GPD2: variants seen among roughly 807,000 people sequenced by gnomAD.
The protein encoded by GPD2 is glycerol-3-phosphate dehydrogenase 2, also known as glycerol-3-phosphate dehydrogenase, mitochondrial.
GPD2 carries 54 observed loss-of-function variants against 82.4 expected under a neutral mutation model. The observed-to-expected ratio is 0.66, with a 90% CI of 0.53 to 0.82. The LOEUF (loss-of-function observed/expected upper bound fraction) is 0.82, where lower values mean the gene tolerates loss of function less well. Among genes scored for constraint, GPD2 ranks in the 40% least tolerant of loss-of-function variants. The pLI is 0.00. For missense variants in GPD2, 748 were observed against 896.2 expected (o/e 0.83, Z 2.11); for synonymous variants, 288 against 306.1 (o/e 0.94, Z 0.62).
At chr2:156,564,094 C>T (rs775156995) in intron 9 of GPD2, among the ~76,000 whole-genome samples, 1 of 152,008 alleles carries the variant, frequency 6.6e-6, no homozygotes, top group Non-Finnish European at 1.5e-5. Context: ...TTAATAGAAT[C>T]GTTGAATTTG....
chr2:156,436,556 C>G (rs532930749), intron 1 of GPD2, 43 bp downstream of exon 1: 4 of 152,392 alleles, frequency 2.6e-5, no homozygotes, highest in African/African-American at 9.6e-5. Flanking sequence ...CTCTAGTATT[C>G]TAGGGGGGGA....
chr2:156,534,810 TA>T lies in GPD2; in HGVS notation c.662-14785del, dbSNP rs758423390. On this transcript the variant is annotated intron_variant, in intron 6 of 16. Coordinates refer to ENST00000438166, the MANE Select transcript of GPD2 (RefSeq NM_000408.5). Reference sequence around the variant, plus strand: ...CAGAATAACATGAATTGCTTTTTCTTAAAAAAAAAAAAACTCTAACAGAGGA... The same window carrying T: ...CAGAATAACATGAATTGCTTTTTCTTAAAAAAAAAAAACTCTAACAGAGGA... Among the ~76,000 whole-genome samples the T allele has an allele frequency of 1.3e-3, 181 of 143,276 alleles. 1 individual carries two copies. The highest frequency in any genetic ancestry group is 4.9e-3 in the South Asian group (22 of 4,468). The allele number at this position is 143,276 out of a possible 152,430, so 94.0% of individuals were successfully genotyped here.
At chr2:156,404,835 C>G in the GPD2 span, among the ~76,000 whole-genome samples, 1 of 147,576 alleles carries the variant, frequency 6.8e-6, no homozygotes, top group Admixed American at 6.8e-5. Context: ...GCCTAGGGAA[C>G]AGAGTGAGAC....
chr2:156,533,063 CA>C (rs1231312978), intron 6 of GPD2, among the ~76,000 whole-genome samples: 2 of 152,184 alleles, frequency 1.3e-5, no homozygotes, highest in African/African-American at 4.8e-5. Context: ...TCACCCTTCA[CA>C]AGACGGGAAG....
chr2:156,486,928 T>C (rs1420308618), intron 2 of GPD2, among the ~76,000 whole-genome samples: 1 of 152,210 alleles, frequency 6.6e-6, no homozygotes, highest in East Asian at 1.9e-4. Flanking sequence ...TTGGGCATCA[T>C]TTTATTCACC....
At chr2:156,492,147 CTTTTT>C (rs770947790) in intron 2 of GPD2, among the ~76,000 whole-genome samples, 3 of 75,466 alleles carry the variant, frequency 4.0e-5, no homozygotes, top group African/African-American at 5.4e-5. Context: ...CCCTCCCTAC[CTTTTT>C]TTTTTTTTTT....
chr2:156,545,683 G>T (rs1037338524), intron 6 of GPD2, among the ~76,000 whole-genome samples: 1 of 152,146 alleles, frequency 6.6e-6, no homozygotes, highest in Non-Finnish European at 1.5e-5. Context: ...ATAAATAAGA[G>T]TTTTAGACCT....
At chr2:156,432,975 G>A (rs1558895049), upstream of GPD2, among the ~76,000 whole-genome samples, 1 of 151,962 alleles carries the variant, frequency 6.6e-6, no homozygotes, top group Admixed American at 6.5e-5. Flanking sequence ...GGTTGTTCTG[G>A]GCCCCAAATT....
intron 6 of GPD2, among the ~76,000 whole-genome samples, chr2:156,528,394 T>C (rs1301443665): frequency 6.6e-6 from 1 of 151,678 alleles, no homozygotes; most frequent in Non-Finnish European, 1.5e-5. Context: ...CTCCACTCAA[T>C]TATGTCAATT....
chr2:156,529,915 G>A (rs542007172), intron 6 of GPD2, among the ~76,000 whole-genome samples: 404 of 152,082 alleles, frequency 2.7e-3, no homozygotes, highest in African/African-American at 9.1e-3. Flanking sequence ...TTGCCTTGGC[G>A]ATGTGGGCTC....
At chr2:156,521,157 G>T (rs961155476) in intron 6 of GPD2, among the ~76,000 whole-genome samples, 2 of 152,196 alleles carry the variant, frequency 1.3e-5, no homozygotes, top group Non-Finnish European at 2.9e-5. Context: ...TATATGGTCT[G>T]TTCACATAAT....
At chr2:156,575,762 A>G (rs899281122) in intron 13 of GPD2, among the ~76,000 whole-genome samples, 1 of 151,282 alleles carries the variant, frequency 6.6e-6, no homozygotes, top group South Asian at 2.1e-4. Context: ...TTTTGATTCT[A>G]TAAAGCATTT....
chr2:156,477,473 A>G lies in GPD2; in HGVS notation c.102+1266A>G, dbSNP rs1260320303. ...GCATAAATAAAATCACATATTAGGA[A>G]GAATTAGTATGCTGGCCTATCATTA... On this transcript the variant is annotated intron_variant, in intron 2 of 16. Coordinates refer to ENST00000438166, the MANE Select transcript of GPD2 (RefSeq NM_000408.5). Among the ~76,000 whole-genome samples the G allele has an allele frequency of 2.0e-5, 3 of 152,170 alleles. No individual in the cohort carries two copies. In the East Asian group the frequency reaches 5.8e-4, roughly 29 times the overall value.
rs759052776 is a variant in GPD2, at chr2:156,510,809, C to G, written c.288C>G (p.Ala96=). Residue 96 remains alanine, a synonymous_variant, in exon 4 of 17, where the codon GCC becomes GCG. Coordinates refer to ENST00000438166, the MANE Select transcript of GPD2 (RefSeq NM_000408.5). ...CTGGTTACACAGGACTAAAAACAGC[C>G]CTTGTAGAAAGAGATGATTTCTCAT... ...LDAVTRGLKT[A]LVERDDFSSG... is the part of the protein sequence containing the mutation. The G allele has an allele frequency of 1.2e-6, 2 of 1,612,898 alleles. No homozygotes were observed. The highest frequency in any genetic ancestry group is 1.7e-6 in the Non-Finnish European group (2 of 1,179,028).
chr2:156,476,241 C>T, intron 2 of GPD2, 34 bp downstream of exon 2: 2 of 1,096,814 alleles, frequency 1.8e-6, no homozygotes, highest in Non-Finnish European at 2.8e-6. Context: ...TTACAGTATG[C>T]AACTTAAATC....
intron 6 of GPD2, among the ~76,000 whole-genome samples, chr2:156,531,056 A>G (rs1055623666): frequency 3.9e-5 from 6 of 152,212 alleles, no homozygotes; most frequent in African/African-American, 1.4e-4. Context: ...AAATACATAT[A>G]CAATTTAGAG....
chr2:156,454,869 C>A (rs533309344), intron 1 of GPD2, among the ~76,000 whole-genome samples: 31 of 152,188 alleles, frequency 2.0e-4, no homozygotes, highest in African/African-American at 6.5e-4. Context: ...GAGCAAAAGC[C>A]TTCTTAGTGT....
chr2:156,490,894 T>G (rs1684149943), intron 2 of GPD2, among the ~76,000 whole-genome samples: 1 of 152,184 alleles, frequency 6.6e-6, no homozygotes, highest in Non-Finnish European at 1.5e-5. Context: ...TTAAGTCAAG[T>G]GTATTGAGGT....
At chr2:156,505,114 A>G (rs1341911200) in intron 3 of GPD2, among the ~76,000 whole-genome samples, 1 of 152,160 alleles carries the variant, frequency 6.6e-6, no homozygotes, top group East Asian at 1.9e-4. Context: ...TTATCCTTCT[A>G]TATTCATCCA....
Sources: gnomAD v4.1 joint callset for allele counts (sites outside exome capture counted in the v4.1 genomes callset) on GRCh38, gnomAD v4.1.1 for gene constraint, MANE v1.5 for transcripts, NCBI Gene and HGNC (gene_info 2026-07-23, HGNC 2026-07-21) for gene names.